Variants in KCNT2 observed in about 807,000 individuals in gnomAD.
KCNT2 encodes the protein potassium sodium-activated channel subfamily T member 2.
Under a neutral mutation model 153.8 loss-of-function variants are expected in KCNT2, and 67 were observed. The ratio of observed to expected loss-of-function variants is 0.44; its 90% CI spans 0.36 to 0.53. The LOEUF (loss-of-function observed/expected upper bound fraction) is 0.53, where lower values mean the gene tolerates loss of function less well. KCNT2 is among the 20% of genes least tolerant of loss of function. The pLI is 0.00. For synonymous variants in KCNT2, 500 were observed against 458.8 expected, an observed-to-expected ratio of 1.09 and a Z score of -1.15; for missense variants, 975 against 1,354.8, an observed-to-expected ratio of 0.72 and a Z score of 4.40.
chr1:196,428,032 C>T, intron 10 of KCNT2, 73 bp downstream of exon 10: 1 of 1,140,350 alleles, frequency 8.8e-7, no homozygotes, highest in Non-Finnish European at 1.3e-6. Flanking sequence ...CAGGCTGCAC[C>T]ATCAGTTAAT....
intron 26 of KCNT2, among the ~76,000 whole-genome samples, chr1:196,239,476 G>T (rs1654751561): frequency 6.6e-6 from 1 of 151,786 alleles, no homozygotes; most frequent in South Asian, 2.1e-4. Flanking sequence ...TCTTCAAATG[G>T]CAAATATTTT....
At chr1:196,447,444 A>C (rs1490110927) in intron 8 of KCNT2, among the ~76,000 whole-genome samples, 1 of 151,668 alleles carries the variant, frequency 6.6e-6, no homozygotes, top group Non-Finnish European at 1.5e-5. Flanking sequence ...ATCAAGGAAC[A>C]AAAAGAAAGC....
At chr1:196,488,313 A>G (rs1012205254) in intron 3 of KCNT2, among the ~76,000 whole-genome samples, 40 of 152,030 alleles carry the variant, frequency 2.6e-4, no homozygotes, top group African/African-American at 9.7e-4. Context: ...TTCATTAACC[A>G]ATACTGCACT....
chr1:196,514,460 T>C (rs2148806979), intron 1 of KCNT2, among the ~76,000 whole-genome samples: 1 of 152,300 alleles, frequency 6.6e-6, no homozygotes, highest in South Asian at 2.1e-4. Context: ...GTAGTATCAC[T>C]ATGTTCTTCT....
chr1:196,385,371 C>T (rs1429125881), intron 13 of KCNT2, among the ~76,000 whole-genome samples: 1 of 152,108 alleles, frequency 6.6e-6, no homozygotes, highest in Non-Finnish European at 1.5e-5. Context: ...CTAAACATGT[C>T]TATACATAGA....
In KCNT2 at chr1:196,534,650, G is replaced by C. The variant is rs142109093; in HGVS notation, c.96-42309C>G. Among the ~76,000 whole-genome samples the C allele has an allele frequency of 1.5e-3, 223 of 152,218 alleles. 1 individual carries two copies. Among genetic ancestry groups the C allele is most frequent in the African/African-American group, 3.9e-3 (160 of 41,540 alleles). ...AAAAGAACAGAAAAAAAGGAAGCCTGCTTCTTAAAAATTTGATTAAAAGGT... is the reference window on the plus strand; with the variant it reads ...AAAAGAACAGAAAAAAAGGAAGCCTCCTTCTTAAAAATTTGATTAAAAGGT... On this transcript the variant is annotated intron_variant, in intron 1 of 27. Transcript: ENST00000294725.
chr1:196,385,837 T>A (rs1669930896), intron 13 of KCNT2, among the ~76,000 whole-genome samples: 1 of 151,706 alleles, frequency 6.6e-6, no homozygotes, highest in Admixed American at 6.6e-5. Flanking sequence ...GATAATATAA[T>A]CTGTCTGTGG....
At chr1:196,554,892 G>C (rs1030641665) in intron 1 of KCNT2, among the ~76,000 whole-genome samples, 1 of 151,094 alleles carries the variant, frequency 6.6e-6, no homozygotes, top group Non-Finnish European at 1.5e-5. Context: ...AAAAATATAC[G>C]ATTATTTAAA....
At chr1:196,400,730 C>T (rs925810059) in intron 12 of KCNT2, among the ~76,000 whole-genome samples, 6 of 151,604 alleles carry the variant, frequency 4.0e-5, no homozygotes, top group East Asian at 1.9e-4. Flanking sequence ...GAGGCCAGGA[C>T]GTCTATCAAT....
At chr1:196,235,178 T>C (rs983593438) in intron 27 of KCNT2, among the ~76,000 whole-genome samples, 3 of 151,406 alleles carry the variant, frequency 2.0e-5, no homozygotes, top group African/African-American at 7.2e-5. Flanking sequence ...TATACACAAT[T>C]TCTACTCCAG....
chr1:196,374,590 A>G (rs1668797109), intron 13 of KCNT2, among the ~76,000 whole-genome samples: 1 of 151,858 alleles, frequency 6.6e-6, no homozygotes, highest in South Asian at 2.1e-4. Flanking sequence ...GAAATACATA[A>G]CCAGATTATT....
chr1:196,319,911 T>C (rs1663117756), intron 19 of KCNT2, among the ~76,000 whole-genome samples: 1 of 151,680 alleles, frequency 6.6e-6, no homozygotes, highest in Non-Finnish European at 1.5e-5. Flanking sequence ...ATAAAAAAAC[T>C]AATGCATTTT....
At chr1:196,267,028 G>C (rs936310311) in intron 25 of KCNT2, among the ~76,000 whole-genome samples, 1 of 152,156 alleles carries the variant, frequency 6.6e-6, no homozygotes, top group African/African-American at 2.4e-5. Flanking sequence ...ACAGGGAAAG[G>C]CTTATAGCTT....
intron 26 of KCNT2, among the ~76,000 whole-genome samples, chr1:196,237,516 G>T (rs1489594636): frequency 1.3e-5 from 2 of 151,736 alleles, no homozygotes; most frequent in Non-Finnish European, 2.9e-5. Flanking sequence ...TGTTAGGGTT[G>T]CCAGGAAAAA....
At chr1:196,417,080 T>A (rs1315673849) in intron 12 of KCNT2, among the ~76,000 whole-genome samples, 3 of 151,974 alleles carry the variant, frequency 2.0e-5, no homozygotes, top group Non-Finnish European at 4.4e-5. Flanking sequence ...CCCACAGAAA[T>A]TTTTTTTAAA....
At chr1:196,498,677 C>T (rs548224899) in intron 1 of KCNT2, among the ~76,000 whole-genome samples, 4 of 152,250 alleles carry the variant, frequency 2.6e-5, no homozygotes, top group African/African-American at 9.6e-5. Context: ...AACTTTTCAG[C>T]TGGAGTTATT....
At chr1:196,511,197 AAGTCCTTAGAAGCCAG>A (rs1233794046) in intron 1 of KCNT2, among the ~76,000 whole-genome samples, 5 of 151,982 alleles carry the variant, frequency 3.3e-5, no homozygotes, top group African/African-American at 1.2e-4. Context: ...AAAGTAAGGG[AAGTCCTTAGAAGCCAG>A]AAAAGAAAAT....
intron 12 of KCNT2, among the ~76,000 whole-genome samples, chr1:196,399,231 G>C (rs1006060181): frequency 6.6e-5 from 10 of 151,488 alleles, no homozygotes; most frequent in African/African-American, 2.2e-4. Flanking sequence ...TCAAAACCAT[G>C]CTTAACACGA....
At chr1:196,569,474 G>C (rs1258829348) in intron 1 of KCNT2, among the ~76,000 whole-genome samples, 4 of 152,118 alleles carry the variant, frequency 2.6e-5, no homozygotes, top group Non-Finnish European at 1.5e-5. Context: ...TATTGGGATT[G>C]AAATAAAGCT....
Sources: allele counts gnomAD v4.1 joint callset (sites outside exome capture counted in the v4.1 genomes callset), GRCh38; gene constraint gnomAD v4.1.1; transcripts MANE v1.5; gene names NCBI Gene and HGNC (gene_info 2026-07-23, HGNC 2026-07-21).